TAFA5: variants seen among roughly 807,000 people sequenced by gnomAD.
TAFA5 encodes TAFA chemokine like family member 5, also known as chemokine-like protein TAFA-5.
In TAFA5, 6 loss-of-function variants were observed where a neutral mutation model predicts 15.3. That is an observed-to-expected ratio of 0.39 (90% CI 0.21 to 0.77). The LOEUF is 0.77. Among genes scored for constraint, TAFA5 ranks in the 30% least tolerant of loss-of-function variants. The pLI, the probability that TAFA5 is intolerant of heterozygous loss-of-function variation, is 0.41. For synonymous variants in TAFA5, 103 were observed against 80.7 expected (o/e 1.28, Z -1.48); for missense variants, 161 against 193.1 (o/e 0.83, Z 0.98).
chr22:48,569,156 G>GC (rs898063664), intron 1 of TAFA5, among the ~76,000 whole-genome samples: 1 of 152,200 alleles, frequency 6.6e-6, no homozygotes, highest in African/African-American at 2.4e-5. Flanking sequence ...GGGGACAGCT[G>GC]CCTGGGGTGT....
At chr22:48,533,306 C>G (rs532755824) in intron 1 of TAFA5, among the ~76,000 whole-genome samples, 2 of 152,268 alleles carry the variant, frequency 1.3e-5, no homozygotes, top group South Asian at 4.1e-4. Context: ...AAACCTTTGG[C>G]TCTCACCTGG....
At chr22:48,719,557 C>T (rs1184451501) in intron 3 of TAFA5, among the ~76,000 whole-genome samples, 1 of 148,190 alleles carries the variant, frequency 6.7e-6, no homozygotes, top group Admixed American at 7.0e-5. Context: ...TGGTGGTGGG[C>T]CGAGGTGGCC....
intron 1 of TAFA5, among the ~76,000 whole-genome samples, chr22:48,567,759 G>A (rs1038224898): frequency 2.0e-5 from 3 of 152,228 alleles, no homozygotes; most frequent in African/African-American, 4.8e-5. Flanking sequence ...GGCTGTGGAA[G>A]GGGTGGCTGG....
intron 3 of TAFA5, among the ~76,000 whole-genome samples, chr22:48,708,978 G>A (rs530674727): frequency 3.3e-5 from 5 of 152,294 alleles, no homozygotes; most frequent in South Asian, 4.1e-4. Context: ...GGGTTCTAAC[G>A]TAATTCGGGG....
intron 2 of TAFA5, among the ~76,000 whole-genome samples, chr22:48,666,969 C>T (rs147824542): frequency 1.1e-3 from 167 of 152,242 alleles, no homozygotes; most frequent in African/African-American, 3.7e-3. Context: ...CCCAAGCACC[C>T]CAGCTGCATA....
intron 1 of TAFA5, chr22:48,545,080 C>T: frequency 2.8e-6 from 1 of 356,370 alleles, no homozygotes; most frequent in East Asian, 7.5e-5. Flanking sequence ...TTCACCATCT[C>T]CAGATGGATT....
rs1201324621 is a variant in TAFA5, at chr22:48,489,731, G to A, written c.112+27G>A. 2.2e-6 allele frequency: 3 copies of A among 1,370,772 alleles called. No individual in the cohort carries two copies. The highest frequency in any genetic ancestry group is 2.9e-6 in the Non-Finnish European group (3 of 1,039,730). The allele number at this position is 1,370,772 out of a possible 1,614,324, so 84.9% of individuals were successfully genotyped here. On this transcript the variant is annotated intron_variant, in intron 1 of 3. Transcript: ENST00000402357. The surrounding 1 kb of genome is among the most constrained non-coding windows in gnomAD (Gnocchi z 5.5). ...TGAGTACCGCGCGGCCCCGGCCCCG[G>A]CACGGCCCTCTGGGCCCCGGACCCC...
rs933475821 is a variant in TAFA5 at position 48,683,890 on chromosome 22, G to A, written c.263-23827G>A. ...TTAAAAGTGTAGCCCCTCCCCCGTT[G>A]CCGGCTCTCCCTCCTGCCTCCATGT... On this transcript the variant is annotated intron_variant, in intron 2 of 3. Coordinates refer to ENST00000402357, the MANE Select transcript of TAFA5 (RefSeq NM_001082967.3). Among the ~76,000 whole-genome samples, 6 of 152,094 alleles carry A rather than the reference G, an allele frequency of 3.9e-5. No homozygotes were observed. The South Asian group carries it at 1.2e-3, about 32-fold the overall frequency.
intron 2 of TAFA5, among the ~76,000 whole-genome samples, chr22:48,682,689 G>C (rs2337489): frequency 0.78 from 118,813 of 152,078 alleles, 46,951 homozygotes; most frequent in Non-Finnish European, 0.83. Flanking sequence ...ATTGACAAAA[G>C]CCTGACGGCA....
chr22:48,583,589 A>C (rs569426076), intron 1 of TAFA5, among the ~76,000 whole-genome samples: 13 of 151,682 alleles, frequency 8.6e-5, no homozygotes, highest in African/African-American at 2.4e-4. Context: ...CACACCACAC[A>C]CCAAATATAC....
At position 48,616,741 on chromosome 22, in the gene TAFA5, TCAG is replaced by T. The variant is rs564102463; in HGVS notation, c.113-29851_113-29849del. Among the ~76,000 whole-genome samples the T allele has an allele frequency of 9.0e-3, 1,363 of 152,244 alleles. 23 individuals carry two copies. Among genetic ancestry groups the T allele is most frequent in the African/African-American group, 0.031 (1,300 of 41,526 alleles). On this transcript the variant is annotated intron_variant, in intron 1 of 3. Transcript: ENST00000402357. Reference sequence around the variant, plus strand: ...GCTGCAGAAAGCCCAGCGAGGTGGGTCAGCAGCGAGATGGTGGGAATAGGGAAC... The same window carrying T: ...GCTGCAGAAAGCCCAGCGAGGTGGGTCAGCGAGATGGTGGGAATAGGGAAC...
chr22:48,599,394 C>T (rs767192930), intron 1 of TAFA5, among the ~76,000 whole-genome samples: 1 of 152,268 alleles, frequency 6.6e-6, no homozygotes, highest in South Asian at 2.1e-4. Flanking sequence ...GTGTTCGTTA[C>T]TGCTTCGCAT....
intron 1 of TAFA5, among the ~76,000 whole-genome samples, chr22:48,625,282 C>T (rs1368405751): frequency 6.6e-6 from 1 of 152,150 alleles, no homozygotes; most frequent in Non-Finnish European, 1.5e-5. Flanking sequence ...CATGAATACA[C>T]CGTGTGTAAC....
intron 1 of TAFA5, among the ~76,000 whole-genome samples, chr22:48,635,886 A>G (rs868180293): frequency 6.6e-6 from 1 of 152,192 alleles, no homozygotes; most frequent in African/African-American, 2.4e-5. Context: ...TTGTAGTGTC[A>G]TCTTCTCCAC....
At chr22:48,542,107 G>T (rs1278323607) in intron 1 of TAFA5, among the ~76,000 whole-genome samples, 2 of 38,022 alleles carry the variant, frequency 5.3e-5, no homozygotes, top group South Asian at 1.6e-3. Flanking sequence ...TGTGTGTGTG[G>T]TGTGTGTGTG....
At chr22:48,620,983 C>T (rs1925802961) in intron 1 of TAFA5, among the ~76,000 whole-genome samples, 2 of 137,224 alleles carry the variant, frequency 1.5e-5, no homozygotes, top group Non-Finnish European at 3.1e-5. Flanking sequence ...TTCATCCATC[C>T]ACCCACCCAC....
intron 1 of TAFA5, among the ~76,000 whole-genome samples, chr22:48,507,252 G>A (rs55916104): frequency 0.17 from 24,041 of 142,840 alleles, 3,084 homozygotes; most frequent in African/African-American, 0.32. Context: ...AGGGCCAGGT[G>A]TGCAGTTGGA....
intron 3 of TAFA5, among the ~76,000 whole-genome samples, chr22:48,714,563 C>T (rs916679180): frequency 5.3e-5 from 8 of 152,158 alleles, no homozygotes; most frequent in Non-Finnish European, 2.9e-5. Context: ...ACCTGGGCGG[C>T]GTTGGACCCT....
rs1352880656 is a variant in TAFA5 at position 48,530,969 on chromosome 22, C to T, written c.112+41265C>T. On this transcript the variant is annotated intron_variant, in intron 1 of 3. Coordinates refer to ENST00000402357, the MANE Select transcript of TAFA5 (RefSeq NM_001082967.3). This position sits in a 1 kb window ranked among gnomAD's most constrained non-coding sequence, Gnocchi z 6.0. ...TGTGCAAAGTGGTGCCCCTGCCCGC[C>T]CCGACCCCAGCCTTGTTAGGGGACT... is the stretch of plus-strand genomic sequence containing the variant. Among the ~76,000 whole-genome samples, 1 of 152,212 alleles carries T rather than the reference C, an allele frequency of 6.6e-6. No homozygotes were observed. The highest frequency in any genetic ancestry group is 1.5e-5 in the Non-Finnish European group (1 of 68,042).
Sources: gnomAD v4.1 joint callset for allele counts (sites outside exome capture counted in the v4.1 genomes callset) on GRCh38, gnomAD v4.1.1 for gene constraint, Gnocchi (gnomAD v3.1) non-coding constraint, MANE v1.5 for transcripts, NCBI Gene and HGNC (gene_info 2026-07-23, HGNC 2026-07-21) for gene names.